The following TXNDC16 variants were observed in gnomAD, a reference collection of about 807,000 sequenced individuals.
TXNDC16 encodes the protein thioredoxin domain containing 16, also known as thioredoxin domain-containing protein 16.
Under a neutral mutation model 85.6 loss-of-function variants are expected in TXNDC16, and 74 were observed. The ratio of observed to expected loss-of-function variants is 0.86; its 90% CI spans 0.72 to 1.05. TXNDC16 has a LOEUF of 1.05. Ranked by LOEUF, TXNDC16 falls within the 50% of genes least tolerant of loss-of-function variation. The pLI, the probability that TXNDC16 is intolerant of heterozygous loss-of-function variation, is 0.00. For synonymous variants in TXNDC16, 335 were observed against 326.5 expected (o/e 1.03, Z -0.28); for missense variants, 959 against 947.0 (o/e 1.01, Z -0.17).
chr14:52,443,313 G>A (rs1196105294), intron 18 of TXNDC16, among the ~76,000 whole-genome samples: 2 of 152,162 alleles, frequency 1.3e-5, no homozygotes, highest in African/African-American at 2.4e-5. Flanking sequence ...TTTGGGACTC[G>A]AACTGGCTTT....
chr14:52,542,557 C>T, intron 3 of TXNDC16, 104 bp from the exon 4 acceptor site: 1 of 682,854 alleles, frequency 1.5e-6, no homozygotes, highest in Admixed American at 2.7e-5. Flanking sequence ...TAGCATGCAA[C>T]AACAAATAAC....
At chr14:52,546,476 A>G (rs1246229340) in intron 1 of TXNDC16, among the ~76,000 whole-genome samples, 1 of 152,156 alleles carries the variant, frequency 6.6e-6, no homozygotes, top group Non-Finnish European at 1.5e-5. Flanking sequence ...GGAGTTAGTT[A>G]CGACCACCAG....
rs372133582 is a variant in TXNDC16 at position 52,490,886 on chromosome 14, C to A, written c.876G>T (p.Trp292Cys). The part of the protein sequence containing the change: ...TYEADRRTAE[W>C]VAWRLLGKAG... ...CTTTTCCCAGAAGACGCCAAGCAACCCATTCTGCAGTTCTTCTATCAGCTT... is the reference window on the plus strand; with the variant it reads ...CTTTTCCCAGAAGACGCCAAGCAACACATTCTGCAGTTCTTCTATCAGCTT... The change falls in exon 10 of 21, where the codon TGG becomes TGT. Residue 292 changes from tryptophan to cysteine, a missense_variant. Trp to Cys is a radical substitution (Grantham distance 215, BLOSUM62 -2). Transcript: ENST00000281741. 2.5e-6 allele frequency: 4 copies of A among 1,612,768 alleles called. No individual in the cohort carries two copies. The Admixed American group carries it at 5.0e-5, about 20-fold the overall frequency.
intron 8 of TXNDC16, 87 bp from the exon 9 acceptor site, chr14:52,511,477 A>T: frequency 1.2e-6 from 1 of 834,738 alleles, no homozygotes; most frequent in Non-Finnish European, 1.7e-6. Context: ...ATTTTGTCTT[A>T]AGTCTCATGC....
chr14:52,542,645 T>G (rs924802144), intron 3 of TXNDC16, among the ~76,000 whole-genome samples, 192 bp from the exon 4 acceptor site: 5 of 152,194 alleles, frequency 3.3e-5, no homozygotes, highest in Non-Finnish European at 5.9e-5. Context: ...TTTATCATGA[T>G]GTACTTTAAC....
Position 52,536,711 on chromosome 14 carries a change from G to A in TXNDC16, c.392+8C>T. On this transcript the variant is annotated splice_region_variant and intron_variant, in intron 6 of 20. Coordinates refer to ENST00000281741, the MANE Select transcript of TXNDC16 (RefSeq NM_020784.3). ...GTAAACAAATGAATGTGTAGCCCCT[G>A]TACTTACAAGAGAACATGGGCGACA... The A allele has an allele frequency of 6.2e-7, 1 of 1,603,698 alleles. No homozygotes were observed. The highest frequency in any genetic ancestry group is 1.1e-5 in the South Asian group (1 of 89,664).
At chr14:52,457,973 A>T (rs1174503851) in intron 16 of TXNDC16, among the ~76,000 whole-genome samples, 1 of 152,198 alleles carries the variant, frequency 6.6e-6, no homozygotes, top group South Asian at 2.1e-4. Context: ...TGATAATTCA[A>T]TTCATACATG....
intron 9 of TXNDC16, among the ~76,000 whole-genome samples, chr14:52,503,693 T>A (rs1304278480): frequency 6.6e-6 from 1 of 152,152 alleles, no homozygotes; most frequent in African/African-American, 2.4e-5. Context: ...GGAACGCAGC[T>A]CCTCACCAGC....
At chr14:52,456,053 T>TCCACCCTCCCACAAG (rs1566537041) in intron 17 of TXNDC16, among the ~76,000 whole-genome samples, 90 of 152,142 alleles carry the variant, frequency 5.9e-4, no homozygotes, top group Middle Eastern at 3.4e-3. Flanking sequence ...CCTCCCACAA[T>TCCACCCTCCCACAAG]CCCTTTCGCT....
At chr14:52,525,520 T>C (rs2037308525) in intron 6 of TXNDC16, among the ~76,000 whole-genome samples, 2 of 147,568 alleles carry the variant, frequency 1.4e-5, no homozygotes, top group African/African-American at 2.5e-5. Flanking sequence ...TAAAACCCTG[T>C]TTCTACTAAA....
intron 6 of TXNDC16, among the ~76,000 whole-genome samples, chr14:52,529,494 CTATATATTATATATAATGCCTAT>C (rs2037425159): frequency 2.1e-5 from 2 of 95,426 alleles, no homozygotes; most frequent in African/African-American, 1.1e-4. Context: ...AAAATACCTA[CTATATATTATATATAATGCCTAT>C]TATATATATT....
At chr14:52,501,301 C>G (rs764565871) in intron 9 of TXNDC16, among the ~76,000 whole-genome samples, 2 of 152,152 alleles carry the variant, frequency 1.3e-5, no homozygotes, top group Non-Finnish European at 2.9e-5. Context: ...CAAAAGCAAT[C>G]TGCATCTATT....
At chr14:52,514,321 T>C (rs1272478845) in intron 8 of TXNDC16, among the ~76,000 whole-genome samples, 1 of 152,148 alleles carries the variant, frequency 6.6e-6, no homozygotes, top group African/African-American at 2.4e-5. Flanking sequence ...TTGTGCCCTG[T>C]TTTGGATTAA....
In TXNDC16 at chr14:52,434,126, C is replaced by T. The variant is rs144812125; in HGVS notation, c.2195-1539G>A. Among the ~76,000 whole-genome samples, 31 of 152,304 alleles carry T rather than the reference C, an allele frequency of 2.0e-4. No homozygotes were observed. In the East Asian group the frequency reaches 5.8e-3, roughly 28 times the overall value. The stretch of plus-strand genomic sequence containing the variant: ...TACACTTGAGCCCAGATGGTTGAGG[C>T]TGCAATGAGCCGTGATTACACCACT... On this transcript the variant is annotated intron_variant, in intron 20 of 20. Transcript: ENST00000281741.
chr14:52,465,320 C>G (rs1050645389), intron 16 of TXNDC16, among the ~76,000 whole-genome samples: 3 of 152,126 alleles, frequency 2.0e-5, no homozygotes, highest in African/African-American at 7.2e-5. Context: ...TGGCCAGGCG[C>G]AGTGGCTCAC....
intron 6 of TXNDC16, among the ~76,000 whole-genome samples, chr14:52,529,021 C>A (rs1053394036): frequency 6.8e-6 from 1 of 146,944 alleles, no homozygotes; most frequent in African/African-American, 2.5e-5. Context: ...CTATATAATA[C>A]CTATTATATA....
At position 52,457,135 on chromosome 14, in the gene TXNDC16, C is replaced by A. The variant is rs754734150; in HGVS notation, c.1658G>T (p.Gly553Val). ...DFSEAGNYLK[G>V]YVITGIYSEE... ...AGAATAAATTCCAGTGATAACATAT[C>A]CTTTTAGGTAGTTTCCTGCTTCACT... Residue 553 changes from glycine to valine, a missense_variant, in exon 17 of 21, where the codon GGA becomes GTA. Transcript: ENST00000281741. The A allele has an allele frequency of 1.3e-6, 2 of 1,592,708 alleles. No homozygotes were observed. Among genetic ancestry groups the A allele is most frequent in the African/African-American group, 1.4e-5 (1 of 73,578 alleles).
intron 9 of TXNDC16, among the ~76,000 whole-genome samples, chr14:52,500,040 AG>A (rs1183844438): frequency 6.6e-6 from 1 of 152,106 alleles, no homozygotes; most frequent in African/African-American, 2.4e-5. Flanking sequence ...ACAGATACAG[AG>A]GGCTGAGTAT....
chr14:52,526,075 G>A (rs954481702), intron 6 of TXNDC16, among the ~76,000 whole-genome samples: 2 of 152,096 alleles, frequency 1.3e-5, no homozygotes. Context: ...TGCAGAACCT[G>A]TGAATATGGA....
Sources: allele counts gnomAD v4.1 joint callset (sites outside exome capture counted in the v4.1 genomes callset), GRCh38; gene constraint gnomAD v4.1.1; transcripts MANE v1.5; gene names NCBI Gene and HGNC (gene_info 2026-07-23, HGNC 2026-07-21).